PPP1R12B: variants seen among roughly 807,000 people sequenced by gnomAD.
PPP1R12B encodes protein phosphatase 1 regulatory subunit 12B.
A neutral mutation model predicts 126.1 loss-of-function variants in PPP1R12B; 76 were observed. The ratio of observed to expected loss-of-function variants is 0.60; its 90% CI spans 0.50 to 0.73. PPP1R12B has a LOEUF of 0.73. Ranked by LOEUF, PPP1R12B falls within the 30% of genes least tolerant of loss-of-function variation. The pLI, the probability that PPP1R12B is intolerant of heterozygous loss-of-function variation, is 0.00. For synonymous variants in PPP1R12B, 356 were observed against 434.7 expected, an observed-to-expected ratio of 0.82 and a Z score of 2.25; for missense variants, 1,052 against 1,205.1, an observed-to-expected ratio of 0.87 and a Z score of 1.88.
In PPP1R12B at chr1:202,585,910, T is replaced by C. The variant is rs1689786014; in HGVS notation, c.*5350T>C. The stretch of plus-strand genomic sequence containing the variant: ...TGCTTCATAGGTTTCCTCAACCACC[T>C]TTCCTCAGCTTTCTTAAAATGGGAT... On this transcript the variant is annotated 3_prime_UTR_variant, in exon 24 of 24. Transcript: ENST00000608999. The C allele has an allele frequency of 6.6e-6, 1 of 152,208 alleles. No individual in the cohort carries two copies. Among genetic ancestry groups the C allele is most frequent in the African/African-American group, 2.4e-5 (1 of 41,460 alleles). The allele number at this position is 152,208 out of a possible 1,614,324, so 9.4% of individuals were successfully genotyped here. A position where few individuals can be genotyped will look rare whatever the true frequency, so the allele number is the denominator to read the frequency against.
chr1:202,379,589 G>C (rs1428425702), intron 1 of PPP1R12B, among the ~76,000 whole-genome samples: 3 of 152,188 alleles, frequency 2.0e-5, no homozygotes, highest in Non-Finnish European at 4.4e-5. Flanking sequence ...ATGGGAACTT[G>C]TAGGTACATA....
At chr1:202,422,264 A>AC (rs1306946935) in intron 2 of PPP1R12B, among the ~76,000 whole-genome samples, 4 of 152,204 alleles carry the variant, frequency 2.6e-5, no homozygotes, top group African/African-American at 9.7e-5. Flanking sequence ...CTATTTTCAC[A>AC]CCCACAGCAC....
chr1:202,553,000 A>C (rs1209742456), intron 18 of PPP1R12B, among the ~76,000 whole-genome samples: 17 of 152,212 alleles, frequency 1.1e-4, no homozygotes, highest in Admixed American at 1.1e-3. Flanking sequence ...TTCACAAATC[A>C]AAACCAGTCT....
Position 202,522,820 on chromosome 1 carries a change from T to C in PPP1R12B, c.2490+25998T>C, listed in dbSNP as rs532183191. Among the ~76,000 whole-genome samples, 8 of 152,278 alleles carry C rather than the reference T, an allele frequency of 5.3e-5. 1 individual carries two copies. The highest frequency in any genetic ancestry group is 1.7e-4 in the African/African-American group (7 of 41,542). ...TTTAAAACAGCAAATGACAGAAATA[T>C]ATGTCTCACTTATAAATAAGGAACA... is the stretch of plus-strand genomic sequence containing the variant. On this transcript the variant is annotated intron_variant, in intron 18 of 23. Transcript: ENST00000608999.
At chr1:202,362,132 A>AT (rs372187805) in intron 1 of PPP1R12B, among the ~76,000 whole-genome samples, 2 of 141,180 alleles carry the variant, frequency 1.4e-5, no homozygotes, top group Non-Finnish European at 3.1e-5. Flanking sequence ...AGTGATTTTT[A>AT]TTTTTTTTAA....
intron 1 of PPP1R12B, among the ~76,000 whole-genome samples, chr1:202,358,781 AG>A (rs1657603227): frequency 9.2e-5 from 14 of 152,152 alleles, no homozygotes; most frequent in Admixed American, 9.2e-4. Flanking sequence ...GTTATGGAAT[AG>A]GTTTATACAA....
At position 202,428,808 on chromosome 1, in the gene PPP1R12B, T is replaced by G. The variant is rs758508251; in HGVS notation, c.847-47T>G. On this transcript the variant is annotated intron_variant, in intron 5 of 23. Transcript: ENST00000608999. ...TTCCCTACTAATAAAGTCACGTAAT[T>G]GCTGCTTCTGTTTTCTATCAGTCAT... 2.6e-6 allele frequency: 4 copies of G among 1,548,558 alleles called. No homozygotes were observed. In the African/African-American group the frequency reaches 4.1e-5, roughly 16 times the overall value.
intron 13 of PPP1R12B, among the ~76,000 whole-genome samples, chr1:202,465,049 T>G (rs927869668): frequency 2.0e-5 from 3 of 152,194 alleles, no homozygotes; most frequent in African/African-American, 7.2e-5. Context: ...AGAATTAATG[T>G]TTTTGAAAAC....
chr1:202,516,712 CA>C (rs1022296840), intron 18 of PPP1R12B, among the ~76,000 whole-genome samples: 1 of 152,108 alleles, frequency 6.6e-6, no homozygotes, highest in African/African-American at 2.4e-5. Flanking sequence ...TACCTGATTC[CA>C]TCTAAATTGT....
chr1:202,526,196 A>G (rs1683329603), intron 18 of PPP1R12B, among the ~76,000 whole-genome samples: 1 of 152,230 alleles, frequency 6.6e-6, no homozygotes, highest in Non-Finnish European at 1.5e-5. Flanking sequence ...AAGTGAGGAG[A>G]TGATAAATGG....
chr1:202,559,758 T>C (rs909959046), intron 19 of PPP1R12B, among the ~76,000 whole-genome samples: 10 of 152,152 alleles, frequency 6.6e-5, no homozygotes, highest in African/African-American at 2.4e-4. Context: ...GCTTGCCCTC[T>C]CACCAGGCAG....
At chr1:202,524,275 A>T (rs550617529) in intron 18 of PPP1R12B, among the ~76,000 whole-genome samples, 1 of 152,352 alleles carries the variant, frequency 6.6e-6, no homozygotes, top group African/African-American at 2.4e-5. Flanking sequence ...TTTTGACCTA[A>T]GCAACTGATA....
intron 1 of PPP1R12B, among the ~76,000 whole-genome samples, chr1:202,410,594 G>T (rs1261093418): frequency 2.0e-5 from 3 of 152,206 alleles, no homozygotes; most frequent in Non-Finnish European, 4.4e-5. Context: ...CCCTGGCACT[G>T]ATTGATATCA....
chr1:202,506,237 T>C lies in PPP1R12B; in HGVS notation c.2490+9415T>C, dbSNP rs572909213. 2.8e-4 allele frequency among the ~76,000 whole-genome samples: 43 copies of C among 152,372 alleles called. 1 individual carries two copies. The East Asian group carries it at 7.9e-3, about 28-fold the overall frequency. ...ATCTTTCCTCTCACTGTACATTTGCTCTTGCTTTGCAACTATAGTTTCTTA... is the reference window on the plus strand; with the variant it reads ...ATCTTTCCTCTCACTGTACATTTGCCCTTGCTTTGCAACTATAGTTTCTTA... On this transcript the variant is annotated intron_variant, in intron 18 of 23. Coordinates refer to ENST00000608999, the MANE Select transcript of PPP1R12B (RefSeq NM_002481.4).
chr1:202,426,778 G>GTATACTC, intron 4 of PPP1R12B, among the ~76,000 whole-genome samples: 1 of 152,234 alleles, frequency 6.6e-6, no homozygotes, highest in South Asian at 2.1e-4. Flanking sequence ...ATACGTTTCC[G>GTATACTC]TATACTCCCC....
intron 1 of PPP1R12B, among the ~76,000 whole-genome samples, chr1:202,386,899 A>G (rs1663235426): frequency 6.6e-6 from 1 of 152,212 alleles, no homozygotes; most frequent in African/African-American, 2.4e-5. Flanking sequence ...GAATTACACA[A>G]CTTTTCATGG....
At chr1:202,376,020 C>T (rs1395131621) in intron 1 of PPP1R12B, among the ~76,000 whole-genome samples, 2 of 152,130 alleles carry the variant, frequency 1.3e-5, no homozygotes, top group Admixed American at 6.5e-5. Flanking sequence ...AAGTCTTAGG[C>T]ATTGGGAATA....
intron 18 of PPP1R12B, chr1:202,502,558 C>G: frequency 1.3e-6 from 1 of 761,190 alleles, no homozygotes; most frequent in Non-Finnish European, 1.6e-6. Context: ...TCTGGGGATG[C>G]AACAATGAAC....
intron 13 of PPP1R12B, among the ~76,000 whole-genome samples, chr1:202,481,720 TGTG>T (rs1386833914): frequency 1.3e-5 from 2 of 152,262 alleles, no homozygotes; most frequent in Admixed American, 6.5e-5. Flanking sequence ...ATCATTTCCT[TGTG>T]GTAAGAACAT....
Sources: gnomAD v4.1 joint callset for allele counts (sites outside exome capture counted in the v4.1 genomes callset) on GRCh38, gnomAD v4.1.1 for gene constraint, MANE v1.5 for transcripts, NCBI Gene and HGNC (gene_info 2026-07-23, HGNC 2026-07-21) for gene names.